The following POU2F2 variants were observed in gnomAD, a reference collection of about 807,000 sequenced individuals.
POU2F2 encodes the protein POU class 2 homeobox 2.
In POU2F2, 14 loss-of-function variants were observed where a neutral mutation model predicts 63.5. The observed-to-expected ratio is 0.22, with a 90% CI of 0.15 to 0.34. The LOEUF (loss-of-function observed/expected upper bound fraction) is 0.34. POU2F2 is among the 10% of genes least tolerant of loss of function. The pLI is 1.00. For synonymous variants in POU2F2, 306 were observed against 348.6 expected (o/e 0.88, Z 1.36); for missense variants, 607 against 815.2 (o/e 0.74, Z 3.11).
chr19:42,152,300 A>G lies in POU2F2; in HGVS notation c.-9+8032T>C, dbSNP rs990326052. ...GGAGAGGGCCGCAGCGAAGAAGAAG[A>G]GGGGGAGAATAAGGCGGGCCTCTTT... is the stretch of plus-strand genomic sequence containing the variant. On this transcript the variant is annotated intron_variant, in intron 2 of 6. Coordinates refer to the POU2F2 transcript ENST00000524801. This position sits in a 1 kb window ranked among gnomAD's most constrained non-coding sequence, Gnocchi z 4.1. Among the ~76,000 whole-genome samples the G allele has an allele frequency of 2.0e-5, 3 of 151,972 alleles. No individual in the cohort carries two copies. Among genetic ancestry groups the G allele is most frequent in the Non-Finnish European group, 4.4e-5 (3 of 67,950 alleles).
At chr19:42,195,048 A>AG (rs2035120698) in intron 1 of POU2F2, among the ~76,000 whole-genome samples, 3 of 58,582 alleles carry the variant, frequency 5.1e-5, no homozygotes, top group African/African-American at 7.3e-5. Context: ...GGAGGGAGGA[A>AG]GGAAGGGAGG....
intron 5 of POU2F2, among the ~76,000 whole-genome samples, chr19:42,108,729 G>C (rs2030565751): frequency 6.6e-6 from 1 of 152,214 alleles, no homozygotes; most frequent in Non-Finnish European, 1.5e-5. Context: ...CCACTTGAGG[G>C]CGTGTTACGT....
rs2146268942 is a variant in POU2F2 at position 42,090,706 on chromosome 19, T to C, written c.*551A>G. On this transcript the variant is annotated 3_prime_UTR_variant, in exon 15 of 15. Transcript: ENST00000692977. This position sits in a 1 kb window ranked among gnomAD's most constrained non-coding sequence, Gnocchi z 4.4. ...GGGTGGTGCTAAGCCCCAGCCCATC[T>C]GCCCAGGCTGTGCCCTGTCTTCGCT... is the stretch of plus-strand genomic sequence containing the variant. The C allele has an allele frequency of 6.5e-6, 1 of 153,536 alleles. No homozygotes were observed. The highest frequency in any genetic ancestry group is 2.0e-4 in the South Asian group (1 of 4,880). The allele number at this position is 153,536 out of a possible 1,614,324, so 9.5% of individuals were successfully genotyped here.
In POU2F2 at chr19:42,162,392, G is replaced by A. The variant is rs546329672; in HGVS notation, c.-69-2000C>T. Among the ~76,000 whole-genome samples the A allele has an allele frequency of 6.6e-6, 1 of 152,280 alleles. No homozygotes were observed. Among genetic ancestry groups the A allele is most frequent in the Admixed American group, 6.5e-5 (1 of 15,296 alleles). On this transcript the variant is annotated intron_variant, in intron 1 of 6. Transcript: ENST00000524801. This position sits in a 1 kb window ranked among gnomAD's most constrained non-coding sequence, Gnocchi z 4.1. Reference sequence around the variant, plus strand: ...ATCTAGGAGCTGTATTCCCAGCAGTGCCTTAAGACTGGGAGCTATTTAGAA... The same window carrying A: ...ATCTAGGAGCTGTATTCCCAGCAGTACCTTAAGACTGGGAGCTATTTAGAA...
intron 2 of POU2F2, among the ~76,000 whole-genome samples, chr19:42,142,727 T>G (rs1036440755): frequency 6.6e-6 from 1 of 152,074 alleles, no homozygotes; most frequent in Non-Finnish European, 1.5e-5. Flanking sequence ...CACACCCAGC[T>G]AAGTTTTGTA....
chr19:42,112,925 T>G (rs2031327452), intron 5 of POU2F2, among the ~76,000 whole-genome samples: 1 of 152,190 alleles, frequency 6.6e-6, no homozygotes. Context: ...TTTCTCACTT[T>G]GCACTTGCCA....
intron 1 of POU2F2, among the ~76,000 whole-genome samples, chr19:42,171,687 C>T (rs753673676): frequency 1.3e-5 from 2 of 152,182 alleles, no homozygotes; most frequent in African/African-American, 2.4e-5. Context: ...CGGATTAAGT[C>T]TGTGAATGCC....
At position 42,183,508 on chromosome 19, in the gene POU2F2, G is replaced by T. The variant is rs1423860437; in HGVS notation, c.-70+12875C>A. Among the ~76,000 whole-genome samples, 23 of 152,332 alleles carry T rather than the reference G, an allele frequency of 1.5e-4. No homozygotes were observed. In the East Asian group the frequency reaches 4.2e-3, roughly 28 times the overall value. On this transcript the variant is annotated intron_variant, in intron 1 of 5. Coordinates refer to the POU2F2 transcript ENST00000532176. ...TGGAAATGTTTTGTAACATGATTGT[G>T]GTGGTGGTTACACAACTGTGTGTGT...
chr19:42,180,436 G>A (rs1162027456), upstream of POU2F2, among the ~76,000 whole-genome samples: 1 of 152,168 alleles, frequency 6.6e-6, no homozygotes, highest in Non-Finnish European at 1.5e-5. Flanking sequence ...GGAGCAACAA[G>A]GAATACTGGA....
intron 1 of POU2F2, among the ~76,000 whole-genome samples, chr19:42,174,680 A>G (rs950902662): frequency 2.6e-5 from 4 of 151,456 alleles, no homozygotes; most frequent in African/African-American, 4.9e-5. Context: ...CTCACCACAC[A>G]TGCAGGCCTT....
Position 42,117,831 on chromosome 19 carries a change from A to C in POU2F2, c.187-399T>G, listed in dbSNP as rs1600102132. Reference sequence around the variant, plus strand: ...CCCATTTCTGAAAAAAAAAAAGGAAAATACTCCCACTGGGCACCTGGGAGG... The same window carrying C: ...CCCATTTCTGAAAAAAAAAAAGGAACATACTCCCACTGGGCACCTGGGAGG... On this transcript the variant is annotated intron_variant, in intron 4 of 14. Transcript: ENST00000692977. This position sits in a 1 kb window ranked among gnomAD's most constrained non-coding sequence, Gnocchi z 4.4. 6.6e-6 allele frequency among the ~76,000 whole-genome samples: 1 copy of C among 151,838 alleles called. No homozygotes were observed. The highest frequency in any genetic ancestry group is 2.1e-4 in the South Asian group (1 of 4,794).
At chr19:42,147,677 T>G (rs2034259446) in intron 2 of POU2F2, among the ~76,000 whole-genome samples, 2 of 152,212 alleles carry the variant, frequency 1.3e-5, no homozygotes. Context: ...AAGCCTCAGT[T>G]TCCACTTCTG....
Position 42,095,412 on chromosome 19 carries a change from G to A in POU2F2, c.1071C>T (p.His357=), listed in dbSNP as rs770970795. 1 of 1,613,846 alleles carries A rather than the reference G, an allele frequency of 6.2e-7. No homozygotes were observed. The highest frequency in any genetic ancestry group is 8.5e-7 in the Non-Finnish European group (1 of 1,180,016). The change falls in exon 11 of 15, where the codon CAC becomes CAT. Residue 357 remains histidine (H), a synonymous_variant. Transcript: ENST00000692977. This position sits in a 1 kb window ranked among gnomAD's most constrained non-coding sequence, Gnocchi z 7.1. ...EEILLIAEQL[H]MEKEVIRVWF... is the part of the protein sequence containing the mutation. ...AGACGCGGATCACTTCCTTCTCCAT[G>A]TGCAGCTGCTCGGCGATCAGCAGGA... is the stretch of plus-strand genomic sequence containing the variant.
At chr19:42,098,303 C>T (rs2076998644) in intron 7 of POU2F2, among the ~76,000 whole-genome samples, 1 of 151,128 alleles carries the variant, frequency 6.6e-6, no homozygotes, top group Admixed American at 6.6e-5. Context: ...ATCCCAGCTA[C>T]TTGGGAGGCT....
At position 42,090,622 on chromosome 19, in the gene POU2F2, ATTT is replaced by A. The variant is rs2076680430; in HGVS notation, c.*632_*634del. On this transcript the variant is annotated 3_prime_UTR_variant, in exon 15 of 15. Coordinates refer to ENST00000692977, the MANE Select transcript of POU2F2 (RefSeq NM_001394376.1). The surrounding 1 kb of genome is among the most constrained non-coding windows in gnomAD (Gnocchi z 4.4). ...CATCCTTTGGATGAAGCTACTGAAT[ATTT>A]GGTGTAAGGTTGTTCAGGCCCTTTC... 1 of 152,726 alleles carries A rather than the reference ATTT, an allele frequency of 6.5e-6. No homozygotes were observed. Among genetic ancestry groups the A allele is most frequent in the Non-Finnish European group, 1.5e-5 (1 of 68,104 alleles). 9.5% of individuals were successfully genotyped at this position (152,726 alleles called of 1,614,324 possible). A position where few individuals can be genotyped will look rare whatever the true frequency, so the allele number is the denominator to read the frequency against.
In POU2F2 at chr19:42,086,500, C is replaced by T. The variant is rs2076551550; in HGVS notation, c.*4757G>A. The T allele has an allele frequency of 1.3e-5, 2 of 152,214 alleles. No homozygotes were observed. The highest frequency in any genetic ancestry group is 4.8e-5 in the African/African-American group (2 of 41,430). 9.4% of individuals were successfully genotyped at this position (152,214 alleles called of 1,614,324 possible). A position where few individuals can be genotyped will look rare whatever the true frequency, so the allele number is the denominator to read the frequency against. ...TTCTGGGTGGTGAAAGACACCCACA[C>T]CAGAATGGGCTGCGCCAATCAGGTC... On this transcript the variant is annotated 3_prime_UTR_variant, in exon 15 of 15. Coordinates refer to ENST00000692977, the MANE Select transcript of POU2F2 (RefSeq NM_001394376.1).
intron 5 of POU2F2, chr19:42,116,920 C>G (rs1472430938): frequency 1.9e-6 from 1 of 539,444 alleles, no homozygotes; most frequent in Non-Finnish European, 3.6e-6. Flanking sequence ...AGCGGCGGCA[C>G]TGGACTGCTG....
In POU2F2 at chr19:42,095,316, T is replaced by C. The variant is rs1469107854; in HGVS notation, c.1167A>G (p.Pro389=). 1 of 1,613,834 alleles carries C rather than the reference T, an allele frequency of 6.2e-7. No homozygotes were observed. The highest frequency in any genetic ancestry group is 1.1e-5 in the South Asian group (1 of 91,070). The change falls in exon 11 of 15, where the codon CCA becomes CCG. Residue 389 remains proline, a synonymous_variant. Coordinates refer to ENST00000692977, the MANE Select transcript of POU2F2 (RefSeq NM_001394376.1). This position sits in a 1 kb window ranked among gnomAD's most constrained non-coding sequence, Gnocchi z 7.1. ...PCSAAPMLPS[P]GKPASYSPHM... ...GGGGGCTGTAGCTGGCCGGCTTCCC[T>C]GGGCTGGGCAGCATGGGGGCCGCAC...
chr19:42,118,258 C>T, intron 4 of POU2F2, among the ~76,000 whole-genome samples: 1 of 152,222 alleles, frequency 6.6e-6, no homozygotes, highest in East Asian at 1.9e-4. Flanking sequence ...TGAAGTAAGA[C>T]TTTGTTGGAA....
Sources: allele counts gnomAD v4.1 joint callset (sites outside exome capture counted in the v4.1 genomes callset), GRCh38; gene constraint gnomAD v4.1.1; non-coding constraint Gnocchi (gnomAD v3.1); transcripts MANE v1.5; gene names NCBI Gene and HGNC (gene_info 2026-07-23, HGNC 2026-07-21).